Variants in OXR1 observed in about 807,000 individuals in gnomAD.
OXR1 encodes the protein oxidation resistance protein 1.
OXR1 carries 41 observed loss-of-function variants against 104.6 expected under a neutral mutation model. The observed-to-expected ratio is 0.39, with a 90% confidence interval of 0.31 to 0.51. The LOEUF (loss-of-function observed/expected upper bound fraction) is 0.51, where lower values mean the gene tolerates loss of function less well. OXR1 is among the 20% of genes least tolerant of loss of function. The probability of loss-of-function intolerance (pLI) is 0.77; values close to 1 mark genes in which losing one functional copy is unlikely to be tolerated. For missense variants in OXR1, 955 were observed against 1,031.9 expected (o/e 0.93, Z 1.02); for synonymous variants, 348 against 348.4 (o/e 1.00, Z 0.01).
At chr8:106,468,535 C>T (rs113702889) in intron 2 of OXR1, among the ~76,000 whole-genome samples, 109 of 151,620 alleles carry the variant, frequency 7.2e-4, no homozygotes, top group African/African-American at 2.5e-3. Context: ...AGTATGTCAA[C>T]GTGGTGGAAA....
rs888983385 is a variant in OXR1, at chr8:106,526,155, G to A, written c.220+7016G>A. ...GTGAGAGAGGTGATATGTTATTCAC[G>A]TAAAATATGTTTAAATCTTATACAA... On this transcript the variant is annotated intron_variant, in intron 3 of 16. Transcript: ENST00000517566. Among the ~76,000 whole-genome samples the A allele has an allele frequency of 9.2e-5, 14 of 152,226 alleles. No individual in the cohort carries two copies. In the East Asian group the frequency reaches 1.2e-3, roughly 13 times the overall value.
Position 106,353,346 on chromosome 8 carries a change from G to A in OXR1, c.-138-6130G>A, listed in dbSNP as rs140944298. 5.7e-4 allele frequency among the ~76,000 whole-genome samples: 86 copies of A among 150,314 alleles called. 1 individual carries two copies. The South Asian group carries it at 7.5e-3, about 13-fold the overall frequency. On this transcript the variant is annotated intron_variant, in intron 1 of 16. Coordinates refer to ENST00000517566, the MANE Select transcript of OXR1 (RefSeq NM_001198533.2). The stretch of plus-strand genomic sequence containing the variant: ...CCTGGGCGACTCCAGCCTGGGTGAC[G>A]GAGTGAGACTCTGTCTCAAAATAAT...
chr8:106,479,942 C>T (rs1822015369), intron 2 of OXR1, among the ~76,000 whole-genome samples: 1 of 151,894 alleles, frequency 6.6e-6, no homozygotes, highest in Non-Finnish European at 1.5e-5. Flanking sequence ...ATTTACAGTG[C>T]AATGTTTTCA....
intron 3 of OXR1, among the ~76,000 whole-genome samples, chr8:106,559,056 A>T (rs527388614): frequency 2.0e-5 from 3 of 152,260 alleles, no homozygotes; most frequent in Admixed American, 2.0e-4. Context: ...ATTTTTCTAT[A>T]ATCAGTGAAG....
chr8:106,291,493 A>G (rs1476226188), intron 1 of OXR1, among the ~76,000 whole-genome samples: 1 of 152,196 alleles, frequency 6.6e-6, no homozygotes, highest in African/African-American at 2.4e-5. Flanking sequence ...GTAAATATAA[A>G]CAAACAAAAC....
chr8:106,745,620 T>C (rs1052457204), intron 15 of OXR1, among the ~76,000 whole-genome samples, 169 bp from the exon 16 acceptor site: 2 of 152,198 alleles, frequency 1.3e-5, no homozygotes, highest in African/African-American at 4.8e-5. Context: ...TTTAGTCATA[T>C]AAACACTGAA....
intron 2 of OXR1, among the ~76,000 whole-genome samples, chr8:106,470,499 T>C (rs1821430226): frequency 1.3e-5 from 2 of 151,682 alleles, no homozygotes; most frequent in African/African-American, 4.8e-5. Context: ...GTAGAATAGT[T>C]GGAGGGAAAT....
At chr8:106,299,984 A>T (rs895019629) in intron 1 of OXR1, among the ~76,000 whole-genome samples, 5 of 152,204 alleles carry the variant, frequency 3.3e-5, no homozygotes, top group African/African-American at 1.2e-4. Context: ...GTCAAGGAAG[A>T]AGTGGGGTGA....
chr8:106,475,919 C>A (rs1220078470), intron 2 of OXR1, among the ~76,000 whole-genome samples: 1 of 151,868 alleles, frequency 6.6e-6, no homozygotes, highest in East Asian at 1.9e-4. Context: ...CAATCTCTTT[C>A]ATGAGTTCTT....
intron 3 of OXR1, among the ~76,000 whole-genome samples, chr8:106,651,478 A>G (rs2131013566): frequency 6.6e-6 from 1 of 152,270 alleles, no homozygotes; most frequent in Non-Finnish European, 1.5e-5. Context: ...TTTGTATGTG[A>G]ATATGGAGTT....
chr8:106,557,790 A>G (rs1816393050), intron 3 of OXR1, among the ~76,000 whole-genome samples: 1 of 152,322 alleles, frequency 6.6e-6, no homozygotes, highest in Admixed American at 6.5e-5. Context: ...AAGGCCACAC[A>G]TGTTGGTAAC....
intron 2 of OXR1, among the ~76,000 whole-genome samples, chr8:106,379,154 C>T (rs1029018159): frequency 1.3e-5 from 2 of 152,124 alleles, no homozygotes; most frequent in African/African-American, 4.8e-5. Context: ...AGGCATCATC[C>T]CAACCCTACT....
At chr8:106,383,392 A>G (rs894973218) in intron 2 of OXR1, among the ~76,000 whole-genome samples, 1 of 152,180 alleles carries the variant, frequency 6.6e-6, no homozygotes, top group African/African-American at 2.4e-5. Flanking sequence ...TATGATATGT[A>G]TTATATCCTC....
Position 106,366,597 on chromosome 8 carries a change from G to A in OXR1, c.23+6961G>A, listed in dbSNP as rs532554659. ...GTAAAAAAAATAAAGAGAAAGGTTAGACATGAATATAAGGCTGATATTTCT... is the reference window on the plus strand; with the variant it reads ...GTAAAAAAAATAAAGAGAAAGGTTAAACATGAATATAAGGCTGATATTTCT... On this transcript the variant is annotated intron_variant, in intron 2 of 16. Coordinates refer to ENST00000517566, the MANE Select transcript of OXR1 (RefSeq NM_001198533.2). Among the ~76,000 whole-genome samples, 50 of 152,234 alleles carry A rather than the reference G, an allele frequency of 3.3e-4. No individual in the cohort carries two copies. In the South Asian group the frequency reaches 8.9e-3, roughly 27 times the overall value.
At chr8:106,667,513 G>A (rs936624703) in intron 3 of OXR1, among the ~76,000 whole-genome samples, 1 of 152,112 alleles carries the variant, frequency 6.6e-6, no homozygotes, top group Admixed American at 6.6e-5. Context: ...ACAATGAAAA[G>A]TTCCTAAAAG....
chr8:106,366,437 C>G (rs536823243), intron 2 of OXR1, among the ~76,000 whole-genome samples: 4 of 152,098 alleles, frequency 2.6e-5, no homozygotes, highest in Non-Finnish European at 2.9e-5. Flanking sequence ...AAATCGTCTA[C>G]GATATAATTT....
rs115692138 is a variant in OXR1 at position 106,445,307 on chromosome 8, C to T, written c.24-73636C>T. Among the ~76,000 whole-genome samples the T allele has an allele frequency of 6.8e-3, 1,031 of 152,226 alleles. 11 individuals are homozygous for T. The highest frequency in any genetic ancestry group is 0.024 in the African/African-American group (991 of 41,524). ...GAAATCTGAATCATTATAAAACAAACCACAATACAGAGGTGAAAAGTACCA... is the reference window on the plus strand; with the variant it reads ...GAAATCTGAATCATTATAAAACAAATCACAATACAGAGGTGAAAAGTACCA... On this transcript the variant is annotated intron_variant, in intron 2 of 16. Coordinates refer to ENST00000517566, the MANE Select transcript of OXR1 (RefSeq NM_001198533.2).
At chr8:106,672,667 T>C (rs1827162556) in intron 3 of OXR1, among the ~76,000 whole-genome samples, 1 of 152,194 alleles carries the variant, frequency 6.6e-6, no homozygotes, top group South Asian at 2.1e-4. Context: ...AAATCTCATC[T>C]TGGATTATAA....
intron 2 of OXR1, among the ~76,000 whole-genome samples, chr8:106,445,616 G>T (rs1359524311): frequency 6.6e-6 from 1 of 152,084 alleles, no homozygotes; most frequent in African/African-American, 2.4e-5. Context: ...TCCATCATCT[G>T]TTGCCTATTT....
Sources: gnomAD v4.1 joint callset for allele counts (sites outside exome capture counted in the v4.1 genomes callset) on GRCh38, gnomAD v4.1.1 for gene constraint, MANE v1.5 for transcripts, NCBI Gene and HGNC (gene_info 2026-07-23, HGNC 2026-07-21) for gene names.